TENM2: variants seen among roughly 807,000 people sequenced by gnomAD.
TENM2 encodes the protein teneurin-2.
In TENM2, 52 loss-of-function variants were observed where a neutral mutation model predicts 245.2. The observed-to-expected ratio is 0.21, with a 90% CI of 0.17 to 0.27. TENM2 has a LOEUF of 0.27. Among genes scored for constraint, TENM2 ranks in the 10% least tolerant of loss-of-function variants. The probability of loss-of-function intolerance (pLI) is 1.00; values close to 1 mark genes in which losing one functional copy is unlikely to be tolerated. For synonymous variants in TENM2, 1,363 were observed against 1,438.9 expected (o/e 0.95, Z 1.19); for missense variants, 3,046 against 3,666.8 (o/e 0.83, Z 4.37).
rs75610707 is a variant in TENM2 at position 167,518,600 on chromosome 5, A to T, written c.502+143127A>T. ...GTAGCTAACATCTGATGATCATGTG[A>T]CTGTTCATACACTCTTCTCAATACT... On this transcript the variant is annotated intron_variant, in intron 2 of 28. Transcript: ENST00000518659. Among the ~76,000 whole-genome samples, 725 of 152,214 alleles carry T rather than the reference A, an allele frequency of 4.8e-3. 6 individuals are homozygous for T. Among genetic ancestry groups the T allele is most frequent in the African/African-American group, 0.016 (675 of 41,550 alleles).
chr5:167,515,823 G>A (rs979991465), intron 2 of TENM2, among the ~76,000 whole-genome samples: 2 of 151,168 alleles, frequency 1.3e-5, no homozygotes, highest in African/African-American at 2.4e-5. Flanking sequence ...CTGCCACCAC[G>A]CTCATAGGGC....
intron 2 of TENM2, among the ~76,000 whole-genome samples, chr5:167,412,734 T>C (rs1166266688): frequency 6.6e-6 from 1 of 152,116 alleles, no homozygotes; most frequent in Non-Finnish European, 1.5e-5. Context: ...GGCTGCTAAA[T>C]CCAAATTGAT....
In TENM2 at chr5:167,549,662, T is replaced by C. The variant is rs141803311; in HGVS notation, c.502+174189T>C. On this transcript the variant is annotated intron_variant, in intron 2 of 28. Coordinates refer to ENST00000518659, the Ensembl canonical transcript of TENM2. ...ATGGAGATTTGATGTATCTGTACCA[T>C]AGATTTAAAAAAAGAACTCTACCTG... Among the ~76,000 whole-genome samples, 732 of 152,252 alleles carry C rather than the reference T, an allele frequency of 4.8e-3. 2 individuals are homozygous for C. The highest frequency in any genetic ancestry group is 0.017 in the African/African-American group (699 of 41,552).
rs370676645 is a variant in TENM2, at chr5:168,220,883, A to C, written c.5108+1884A>C. Among the ~76,000 whole-genome samples, 34 of 152,290 alleles carry C rather than the reference A, an allele frequency of 2.2e-4. 1 individual carries two copies. In the South Asian group the frequency reaches 6.4e-3, roughly 29 times the overall value. The stretch of plus-strand genomic sequence containing the variant: ...TTTCTGCACTTTGGGAGGCTAAGGC[A>C]GGAGGATCACTGGAGGCCAGCAGTT... On this transcript the variant is annotated intron_variant, in intron 23 of 28. Transcript: ENST00000518659.
chr5:167,377,209 T>C (rs1384272437), intron 2 of TENM2, among the ~76,000 whole-genome samples: 2 of 152,164 alleles, frequency 1.3e-5, no homozygotes, highest in Non-Finnish European at 2.9e-5. Flanking sequence ...CCAATAGTAG[T>C]TTCATTTTTT....
exon 2 of TENM2, chr5:167,375,283 C>T (rs1760679158): frequency 6.4e-7 from 1 of 1,551,738 alleles, no homozygotes; most frequent in East Asian, 2.4e-5. Flanking sequence ...GGATCCTTCA[C>T]CAGGGCTACT....
At position 167,521,368 on chromosome 5, in the gene TENM2, TA is replaced by T. The variant is rs562428353; in HGVS notation, c.502+145899del. On this transcript the variant is annotated intron_variant, in intron 2 of 28. Transcript: ENST00000518659. ...TTCTGCATACCAGCAGAGAAAGATATAAAATGAGATTCAAATTTTGAATTAG... is the reference window on the plus strand; with the variant it reads ...TTCTGCATACCAGCAGAGAAAGATATAAATGAGATTCAAATTTTGAATTAG... 9.9e-5 allele frequency among the ~76,000 whole-genome samples: 15 copies of T among 152,282 alleles called. No individual in the cohort carries two copies. The South Asian group carries it at 3.1e-3, about 32-fold the overall frequency.
At chr5:167,746,982 C>T (rs1398975471) in intron 2 of TENM2, among the ~76,000 whole-genome samples, 3 of 152,168 alleles carry the variant, frequency 2.0e-5, no homozygotes, top group Non-Finnish European at 1.5e-5. Context: ...GTTCCCTGCC[C>T]TTCTGAAGCT....
chr5:167,845,492 A>C (rs2151178966), intron 2 of TENM2, among the ~76,000 whole-genome samples: 1 of 152,314 alleles, frequency 6.6e-6, no homozygotes, highest in Non-Finnish European at 1.5e-5. Flanking sequence ...CAGACTCAAA[A>C]ATATTCATGA....
chr5:167,673,507 G>C (rs4431367), intron 2 of TENM2, among the ~76,000 whole-genome samples: 55,190 of 151,880 alleles, frequency 0.36, 13,819 homozygotes, highest in East Asian at 0.91. Flanking sequence ...AAGATGCATA[G>C]AACATCCACT....
At chr5:168,184,091 A>G (rs1760178865) in intron 13 of TENM2, among the ~76,000 whole-genome samples, 1 of 152,192 alleles carries the variant, frequency 6.6e-6, no homozygotes, top group South Asian at 2.1e-4. Context: ...TCATCAAGGT[A>G]ACTACAACTT....
the TENM2 span, among the ~76,000 whole-genome samples, chr5:167,099,373 TGC>T: frequency 6.6e-6 from 1 of 152,192 alleles, no homozygotes; most frequent in East Asian, 1.9e-4. Context: ...ATAATTATAT[TGC>T]AGCTTATCTG....
chr5:167,728,079 A>T (rs2150545485), intron 2 of TENM2, among the ~76,000 whole-genome samples: 1 of 152,286 alleles, frequency 6.6e-6, no homozygotes, highest in African/African-American at 2.4e-5. Context: ...AAGAAGGCTG[A>T]GTAGGTTGGT....
chr5:167,500,777 G>A lies in TENM2; in HGVS notation c.502+125304G>A, dbSNP rs77714818. ...AAAGGTGTGATGAGGTGCAATAGGTGTTTGAATTCACCAGGGCCAAGGACT... is the reference window on the plus strand; with the variant it reads ...AAAGGTGTGATGAGGTGCAATAGGTATTTGAATTCACCAGGGCCAAGGACT... On this transcript the variant is annotated intron_variant, in intron 2 of 28. Coordinates refer to ENST00000518659, the Ensembl canonical transcript of TENM2. Among the ~76,000 whole-genome samples, 1,412 of 152,184 alleles carry A rather than the reference G, an allele frequency of 9.3e-3. 25 individuals are homozygous for A. Among genetic ancestry groups the A allele is most frequent in the African/African-American group, 0.032 (1,340 of 41,524 alleles).
intron 6 of TENM2, among the ~76,000 whole-genome samples, chr5:168,051,683 A>G (rs937792127): frequency 6.6e-6 from 1 of 152,196 alleles, no homozygotes; most frequent in South Asian, 2.1e-4. Flanking sequence ...GGTCTGGTGG[A>G]TACAAACACC....
chr5:167,873,210 GA>G (rs1249421011), intron 2 of TENM2, among the ~76,000 whole-genome samples: 1 of 152,188 alleles, frequency 6.6e-6, no homozygotes, highest in Non-Finnish European at 1.5e-5. Flanking sequence ...AAAATTACAA[GA>G]AAAACTTTGA....
chr5:167,360,860 G>T (rs1442014502), intron 1 of TENM2, among the ~76,000 whole-genome samples: 1 of 152,248 alleles, frequency 6.6e-6, no homozygotes, highest in African/African-American at 2.4e-5. Flanking sequence ...ATAAGTAGTG[G>T]AATAGGAATT....
At chr5:168,187,780 G>A in intron 13 of TENM2, 1 of 152,114 alleles carries the variant, frequency 6.6e-6, no homozygotes, top group Non-Finnish European at 1.5e-5. Flanking sequence ...ATATCATCCT[G>A]CTACTAAGAT....
chr5:167,701,085 T>C (rs1260913037), intron 2 of TENM2, among the ~76,000 whole-genome samples: 1 of 152,066 alleles, frequency 6.6e-6, no homozygotes, highest in Non-Finnish European at 1.5e-5. Flanking sequence ...ATGCTACAAC[T>C]GCCACATTTC....
Sources: gnomAD v4.1 joint callset for allele counts (sites outside exome capture counted in the v4.1 genomes callset) on GRCh38, gnomAD v4.1.1 for gene constraint, MANE v1.5 for transcripts, NCBI Gene and HGNC (gene_info 2026-07-23, HGNC 2026-07-21) for gene names.